The following LCA5L variants were observed in gnomAD, a reference collection of about 807,000 sequenced individuals.
The protein encoded by LCA5L is lebercilin LCA5 like, also known as lebercilin-like protein.
In LCA5L, 35 loss-of-function variants were observed where a neutral mutation model predicts 45.4. The ratio of observed to expected loss-of-function variants is 0.77; its 90% confidence interval spans 0.59 to 1.02. The LOEUF (loss-of-function observed/expected upper bound fraction) is 1.02, where lower values mean the gene tolerates loss of function less well. LCA5L is among the 50% of genes least tolerant of loss of function. The pLI, the probability that LCA5L is intolerant of heterozygous loss-of-function variation, is 0.00. For missense variants in LCA5L, 668 were observed against 761.6 expected (o/e 0.88, Z 1.45); for synonymous variants, 233 against 264.7 (o/e 0.88, Z 1.16).
chr21:39,418,867 AT>A (rs2041777013), intron 7 of LCA5L, among the ~76,000 whole-genome samples: 1 of 152,094 alleles, frequency 6.6e-6, no homozygotes, highest in Admixed American at 6.6e-5. Context: ...CATAAAATTT[AT>A]TTTAAAATTC....
intron 7 of LCA5L, among the ~76,000 whole-genome samples, chr21:39,417,890 C>G (rs566084572): frequency 6.6e-6 from 1 of 152,258 alleles, no homozygotes; most frequent in South Asian, 2.1e-4. Flanking sequence ...CTCAGCCTCC[C>G]AAGTAGCTGG....
At chr21:39,421,601 A>C (rs1264823818) in intron 6 of LCA5L, 2 of 152,182 alleles carry the variant, frequency 1.3e-5, no homozygotes, top group African/African-American at 2.4e-5. Context: ...TTATTGGAGA[A>C]CTGTTAGATC....
intron 6 of LCA5L, 163 bp downstream of exon 6, chr21:39,422,813 C>T (rs2073989376): frequency 3.0e-6 from 2 of 670,598 alleles, no homozygotes; most frequent in Non-Finnish European, 5.0e-6. Flanking sequence ...TCAAACCACT[C>T]CCTTTCTGTG....
chr21:39,413,120 C>T (rs2040402147), intron 7 of LCA5L, among the ~76,000 whole-genome samples: 1 of 152,186 alleles, frequency 6.6e-6, no homozygotes, highest in Non-Finnish European at 1.5e-5. Flanking sequence ...CAGCCACATT[C>T]AGTACACATC....
intron 3 of LCA5L, among the ~76,000 whole-genome samples, chr21:39,432,126 G>A (rs1447559871): frequency 6.6e-6 from 1 of 152,086 alleles, no homozygotes; most frequent in African/African-American, 2.4e-5. Context: ...ATATTCTTTT[G>A]AAATAATATA....
At chr21:39,442,188 G>C (rs2076931649) in intron 2 of LCA5L, among the ~76,000 whole-genome samples, 1 of 152,198 alleles carries the variant, frequency 6.6e-6, no homozygotes, top group Non-Finnish European at 1.5e-5. Context: ...TTAGGCAAGA[G>C]AGGATGAGAG....
At chr21:39,440,632 A>C (rs11088476) in intron 2 of LCA5L, among the ~76,000 whole-genome samples, 140,149 of 152,292 alleles carry the variant, frequency 0.92, 64,651 homozygotes, top group African/African-American at 0.98. Flanking sequence ...TGTGGAGAAA[A>C]CTGGCAGATT....
At chr21:39,411,826 T>C in intron 7 of LCA5L, 24 bp from the exon 8 acceptor site, 8 of 1,372,616 alleles carry the variant, frequency 5.8e-6, no homozygotes, top group Non-Finnish European at 8.2e-6. Flanking sequence ...CAAAACCAAT[T>C]TTTCTATAAA....
rs771380230 is a variant in LCA5L, at chr21:39,409,291, TC to T, written c.1282+687del. ...ATGCCTAGAACCTTGATCTCGGACT[TC>T]CTAGCCTCCAGAACCATGAGAAAAT... is the stretch of plus-strand genomic sequence containing the variant. On this transcript the variant is annotated intron_variant, in intron 10 of 10. Transcript: ENST00000288350. This position sits in a 1 kb window ranked among gnomAD's most constrained non-coding sequence, Gnocchi z 4.2. Among the ~76,000 whole-genome samples, 68 of 152,238 alleles carry T rather than the reference TC, an allele frequency of 4.5e-4. No individual in the cohort carries two copies. The highest frequency in any genetic ancestry group is 8.5e-4 in the Non-Finnish European group (58 of 68,006).
chr21:39,428,186 AT>A lies in LCA5L; in HGVS notation c.307del (p.Ile103SerfsTer29), dbSNP rs1486861266. On this transcript the variant is annotated frameshift_variant, in exon 5 of 11. Transcript: ENST00000288350. LOFTEE classifies it high-confidence loss of function. ...KEKKKYNVSKISQSKGQKEIS... is the reference protein window; with the variant it reads ...KEKKKYNVSKXSQSKGQKEIS... ...TTACTCCTTACCTTTAGATTGGGAG[AT>A]TTTAGAAACATTATACTTTTTCTTC... 3.2e-6 allele frequency: 5 copies of A among 1,578,184 alleles called. No individual in the cohort carries two copies. In the African/African-American group the frequency reaches 6.8e-5, roughly 22 times the overall value.
rs533205594 is a variant in LCA5L, at chr21:39,420,014, GTTAA to G, written c.975+688_975+691del. Among the ~76,000 whole-genome samples, 426 of 152,076 alleles carry G rather than the reference GTTAA, an allele frequency of 2.8e-3. 4 individuals carry two copies. Among genetic ancestry groups the G allele is most frequent in the African/African-American group, 9.7e-3 (401 of 41,492 alleles). The stretch of plus-strand genomic sequence containing the variant: ...TATCTTAAATATTATGTTTTTAAAC[GTTAA>G]TTTTGAGTTACATTAAAATGTTAAC... On this transcript the variant is annotated intron_variant, in intron 7 of 10. Transcript: ENST00000288350.
At chr21:39,441,605 A>C (rs2076868290) in intron 2 of LCA5L, among the ~76,000 whole-genome samples, 2 of 152,192 alleles carry the variant, frequency 1.3e-5, no homozygotes, top group South Asian at 4.1e-4. Context: ...TAATTTAACA[A>C]CTTTATATAT....
intron 6 of LCA5L, chr21:39,422,685 T>C (rs2073964039): frequency 2.0e-6 from 1 of 492,018 alleles, no homozygotes; most frequent in Non-Finnish European, 3.5e-6. Flanking sequence ...CCCTTAGCAC[T>C]GTAGCTGTGC....
At chr21:39,413,639 C>G (rs750948981) in intron 7 of LCA5L, among the ~76,000 whole-genome samples, 1 of 152,168 alleles carries the variant, frequency 6.6e-6, no homozygotes, top group Non-Finnish European at 1.5e-5. Flanking sequence ...GTTCATCTCT[C>G]TTTTCTTATT....
chr21:39,429,066 T>C (rs1347851329), intron 4 of LCA5L, 65 bp downstream of exon 4: 1 of 152,228 alleles, frequency 6.6e-6, no homozygotes, highest in Non-Finnish European at 1.5e-5. Context: ...TGGTTCTGCA[T>C]TTCTTTATTA....
chr21:39,429,412 A>T (rs890038094), intron 3 of LCA5L: 1 of 152,180 alleles, frequency 6.6e-6, no homozygotes, highest in African/African-American at 2.4e-5. Flanking sequence ...AAATCAAATG[A>T]TCTTAGTAAT....
intron 7 of LCA5L, among the ~76,000 whole-genome samples, chr21:39,420,340 G>A (rs951735058): frequency 2.0e-5 from 3 of 151,978 alleles, no homozygotes; most frequent in East Asian, 1.9e-4. Context: ...TGGCCAACAC[G>A]GCAAAAGCCC....
chr21:39,432,577 C>T (rs2075848075), intron 3 of LCA5L, among the ~76,000 whole-genome samples: 1 of 151,964 alleles, frequency 6.6e-6, no homozygotes, highest in Non-Finnish European at 1.5e-5. Flanking sequence ...AATGTGTATC[C>T]CCATGAAACT....
At chr21:39,419,082 C>T (rs1377002580) in intron 7 of LCA5L, among the ~76,000 whole-genome samples, 1 of 152,036 alleles carries the variant, frequency 6.6e-6, no homozygotes, top group Non-Finnish European at 1.5e-5. Context: ...CTCCAAATCC[C>T]AGTTCTCAAT....
Sources: gnomAD v4.1 joint callset for allele counts (sites outside exome capture counted in the v4.1 genomes callset) on GRCh38, gnomAD v4.1.1 for gene constraint, Gnocchi (gnomAD v3.1) non-coding constraint, MANE v1.5 for transcripts, NCBI Gene and HGNC (gene_info 2026-07-23, HGNC 2026-07-21) for gene names.